Variants in EBF2 observed in about 807,000 individuals in gnomAD.
The protein encoded by EBF2 is transcription factor COE2.
Under a neutral mutation model 72.8 loss-of-function variants are expected in EBF2, and 21 were observed. That is an observed-to-expected ratio of 0.29 (90% CI 0.20 to 0.42). The LOEUF (loss-of-function observed/expected upper bound fraction) is 0.42, where lower values mean the gene tolerates loss of function less well. Among genes scored for constraint, EBF2 ranks in the 10% least tolerant of loss-of-function variants. The pLI is 1.00. For missense variants in EBF2, 637 were observed against 731.2 expected (o/e 0.87, Z 1.49); for synonymous variants, 299 against 274.2 (o/e 1.09, Z -0.89).
chr8:25,982,696 G>A (rs377480122), intron 6 of EBF2, among the ~76,000 whole-genome samples: 1 of 152,120 alleles, frequency 6.6e-6, no homozygotes, highest in Non-Finnish European at 1.5e-5. Context: ...AGTGCTGCCT[G>A]ATTTTCCCAG....
At chr8:26,009,837 A>T (rs1804947666) in intron 6 of EBF2, among the ~76,000 whole-genome samples, 1 of 152,218 alleles carries the variant, frequency 6.6e-6, no homozygotes, top group Non-Finnish European at 1.5e-5. Context: ...TCACATAAAT[A>T]TCTGAGGAGA....
At chr8:25,889,496 G>A (rs1442923162) in intron 8 of EBF2, among the ~76,000 whole-genome samples, 5 of 152,122 alleles carry the variant, frequency 3.3e-5, no homozygotes, top group East Asian at 1.9e-4. Context: ...TGAAATGCCC[G>A]TCTCACAAAA....
chr8:26,033,960 G>T (rs1015760014), intron 5 of EBF2, among the ~76,000 whole-genome samples: 9 of 152,070 alleles, frequency 5.9e-5, no homozygotes, highest in Non-Finnish European at 5.9e-5. Flanking sequence ...ATTTGTAATC[G>T]GAACCACGGA....
chr8:25,993,817 C>A (rs1398437977), intron 6 of EBF2, among the ~76,000 whole-genome samples: 1 of 152,038 alleles, frequency 6.6e-6, no homozygotes, highest in Non-Finnish European at 1.5e-5. Flanking sequence ...GTGGGGGAAG[C>A]TTATTATGTT....
intron 6 of EBF2, among the ~76,000 whole-genome samples, chr8:25,965,238 G>C (rs141266769): frequency 2.2e-4 from 34 of 152,160 alleles, no homozygotes; most frequent in Non-Finnish European, 4.6e-4. Context: ...TTTCCCAAAA[G>C]AGCAATGTTT....
intron 14 of EBF2, among the ~76,000 whole-genome samples, chr8:25,852,064 T>TTGATTTAAGGAGC (rs761228271): frequency 6.6e-6 from 1 of 152,212 alleles, no homozygotes; most frequent in Non-Finnish European, 1.5e-5. Context: ...TAAAGTAGTC[T>TTGATTTAAGGAGC]TGATTTAAGG....
In EBF2 at chr8:25,914,222, G is replaced by T. The variant is rs187348578; in HGVS notation, c.552-5667C>A. On this transcript the variant is annotated intron_variant, in intron 6 of 15. Coordinates refer to ENST00000520164, the MANE Select transcript of EBF2 (RefSeq NM_022659.4). ...ATGGTAAGAAAACTCGCAAGTGATTGCTTTCCACTTGAGACCAGAGAAAAT... is the reference window on the plus strand; with the variant it reads ...ATGGTAAGAAAACTCGCAAGTGATTTCTTTCCACTTGAGACCAGAGAAAAT... Among the ~76,000 whole-genome samples the T allele has an allele frequency of 1.4e-3, 210 of 152,320 alleles. 2 individuals are homozygous for T. Among genetic ancestry groups the T allele is most frequent in the Middle Eastern group, 0.01 (3 of 294 alleles).
At chr8:25,967,035 C>G (rs748337210) in intron 6 of EBF2, among the ~76,000 whole-genome samples, 1 of 152,114 alleles carries the variant, frequency 6.6e-6, no homozygotes, top group African/African-American at 2.4e-5. Flanking sequence ...CTACAATAAA[C>G]GGAGAGAAGG....
chr8:26,015,368 C>T (rs1351854496), intron 6 of EBF2, among the ~76,000 whole-genome samples: 1 of 152,210 alleles, frequency 6.6e-6, no homozygotes, highest in Non-Finnish European at 1.5e-5. Context: ...TCTTCCCTGC[C>T]ACAAGGGCAT....
chr8:25,955,078 CAG>C (rs1803924008), intron 6 of EBF2, among the ~76,000 whole-genome samples: 1 of 152,194 alleles, frequency 6.6e-6, no homozygotes, highest in Non-Finnish European at 1.5e-5. Flanking sequence ...AGCGCATCCC[CAG>C]AACAGTGTGG....
chr8:25,902,485 T>A (rs1014064519), intron 7 of EBF2, among the ~76,000 whole-genome samples: 3 of 152,008 alleles, frequency 2.0e-5, no homozygotes, highest in African/African-American at 7.2e-5. Flanking sequence ...TTTTGCTCTC[T>A]TAAAAATTTA....
intron 6 of EBF2, among the ~76,000 whole-genome samples, chr8:25,992,355 A>AAAAAAAAAAAAAAAAAAAT (rs1481230112): frequency 6.6e-6 from 1 of 151,044 alleles, no homozygotes; most frequent in Non-Finnish European, 1.5e-5. Context: ...AAAAAAAAAA[A>AAAAAAAAAAAAAAAAAAAT]AAGCAAAAGG....
intron 6 of EBF2, among the ~76,000 whole-genome samples, chr8:25,965,016 G>A (rs990323968): frequency 6.6e-6 from 1 of 152,098 alleles, no homozygotes; most frequent in South Asian, 2.1e-4. Context: ...TAGAGCATCA[G>A]CACATTAATT....
chr8:25,883,710 C>A (rs937640464), intron 10 of EBF2, among the ~76,000 whole-genome samples: 2 of 152,062 alleles, frequency 1.3e-5, no homozygotes, highest in African/African-American at 4.8e-5. Context: ...TTCTTTACTT[C>A]AATAGAGAGT....
chr8:26,024,571 C>T (rs956718406), intron 6 of EBF2, among the ~76,000 whole-genome samples: 8 of 152,092 alleles, frequency 5.3e-5, no homozygotes, highest in Non-Finnish European at 1.2e-4. Flanking sequence ...GACATAAGAT[C>T]GCTAAGAGGT....
At chr8:25,880,400 A>C (rs887186150) in intron 10 of EBF2, among the ~76,000 whole-genome samples, 9 of 152,204 alleles carry the variant, frequency 5.9e-5, no homozygotes, top group African/African-American at 9.6e-5. Context: ...ATTTGAATAC[A>C]GTTTAGTTTA....
intron 6 of EBF2, among the ~76,000 whole-genome samples, chr8:26,015,924 G>C (rs192366373): frequency 9.9e-5 from 15 of 152,204 alleles, no homozygotes; most frequent in Admixed American, 7.8e-4. Context: ...CCTCACCCCT[G>C]CTGCCATCTA....
chr8:26,030,389 T>C (rs918902451), intron 6 of EBF2, among the ~76,000 whole-genome samples: 1 of 150,402 alleles, frequency 6.6e-6, no homozygotes, highest in Non-Finnish European at 1.5e-5. Context: ...GAACTCATCA[T>C]ACAGGAAGGA....
chr8:26,038,256 T>C (rs1805537081), intron 5 of EBF2, among the ~76,000 whole-genome samples: 1 of 152,242 alleles, frequency 6.6e-6, no homozygotes, highest in African/African-American at 2.4e-5. Context: ...TTATTTTAAA[T>C]TGTAGTTTGG....
Sources: gnomAD v4.1 joint callset for allele counts (sites outside exome capture counted in the v4.1 genomes callset) on GRCh38, gnomAD v4.1.1 for gene constraint, MANE v1.5 for transcripts, NCBI Gene and HGNC (gene_info 2026-07-23, HGNC 2026-07-21) for gene names.